The following ITPKB variants were observed in gnomAD, a reference collection of about 807,000 sequenced individuals.
ITPKB encodes the protein inositol-trisphosphate 3-kinase B.
Under a neutral mutation model 69.4 loss-of-function variants are expected in ITPKB, and 13 were observed. That is an observed-to-expected ratio of 0.19 (90% CI 0.12 to 0.30). The LOEUF is 0.30. ITPKB is among the 10% of genes least tolerant of loss of function. The pLI, the probability that ITPKB is intolerant of heterozygous loss-of-function variation, is 1.00. For missense variants in ITPKB, 1,240 were observed against 1,250.5 expected (o/e 0.99, Z 0.13); for synonymous variants, 584 against 513.7 (o/e 1.14, Z -1.85).
At chr1:226,698,568 G>A (rs369209535) in intron 2 of ITPKB, among the ~76,000 whole-genome samples, 2 of 152,364 alleles carry the variant, frequency 1.3e-5, no homozygotes, top group Non-Finnish European at 2.9e-5. Flanking sequence ...TGAATGAGGC[G>A]TTGCTAAGTC....
At chr1:226,652,565 T>C (rs1669215150) in intron 2 of ITPKB, among the ~76,000 whole-genome samples, 1 of 152,216 alleles carries the variant, frequency 6.6e-6, no homozygotes, top group South Asian at 2.1e-4. Flanking sequence ...CTGTCTCTTC[T>C]CTGTCTGAAA....
At chr1:226,674,194 G>A (rs2102768768) in intron 2 of ITPKB, among the ~76,000 whole-genome samples, 1 of 152,246 alleles carries the variant, frequency 6.6e-6, no homozygotes, top group South Asian at 2.1e-4. Context: ...TATTTTTTAA[G>A]TATTTATATA....
chr1:226,733,855 C>T (rs947334067), intron 2 of ITPKB, among the ~76,000 whole-genome samples: 2 of 152,218 alleles, frequency 1.3e-5, no homozygotes, highest in African/African-American at 4.8e-5. Context: ...CTCTTCTAGA[C>T]AAGAGCCGTT....
Position 226,715,329 on chromosome 1 carries a change from T to C in ITPKB, c.1932+20198A>G, listed in dbSNP as rs545663896. Among the ~76,000 whole-genome samples, 11 of 152,338 alleles carry C rather than the reference T, an allele frequency of 7.2e-5. No individual in the cohort carries two copies. The South Asian group carries it at 2.3e-3, about 32-fold the overall frequency. On this transcript the variant is annotated intron_variant, in intron 2 of 7. Transcript: ENST00000429204. ...CAGGTAGTAGATAAAACCCTCTACC[T>C]TGCACCAAAAAGACAAGGCCTGTGC...
At chr1:226,672,047 G>A (rs1024775930) in intron 2 of ITPKB, among the ~76,000 whole-genome samples, 7 of 152,150 alleles carry the variant, frequency 4.6e-5, no homozygotes, top group African/African-American at 1.4e-4. Context: ...GAAAGCAGGC[G>A]AGAAAGGGTG....
chr1:226,717,764 G>C (rs1182289744), intron 2 of ITPKB, among the ~76,000 whole-genome samples: 1 of 152,220 alleles, frequency 6.6e-6, no homozygotes, highest in East Asian at 1.9e-4. Flanking sequence ...GCCCGCCAAG[G>C]GGCATGACTC....
At chr1:226,683,912 A>G (rs1656142172) in intron 2 of ITPKB, among the ~76,000 whole-genome samples, 1 of 152,160 alleles carries the variant, frequency 6.6e-6, no homozygotes, top group Non-Finnish European at 1.5e-5. Flanking sequence ...CCTTCATTAC[A>G]AAGAGATTTT....
rs1037344539 is a variant in ITPKB, at chr1:226,704,957, C to T, written c.1932+30570G>A. 5.2e-4 allele frequency among the ~76,000 whole-genome samples: 79 copies of T among 152,308 alleles called. 1 individual carries two copies. The highest frequency in any genetic ancestry group is 5.2e-3 in the Admixed American group (79 of 15,294). ...ACTTTTTAAAAGAATCACAGCATTG[C>T]TCTTGCTTGGCCAAATGTATTAAAT... On this transcript the variant is annotated intron_variant, in intron 2 of 7. Transcript: ENST00000429204.
intron 2 of ITPKB, among the ~76,000 whole-genome samples, chr1:226,715,582 C>CA (rs1657075700): frequency 6.6e-6 from 1 of 152,192 alleles, no homozygotes; most frequent in African/African-American, 2.4e-5. Context: ...AACTACTCAC[C>CA]AATGGCCATA....
chr1:226,636,633 C>T (rs1252013464), intron 7 of ITPKB, among the ~76,000 whole-genome samples: 1 of 152,222 alleles, frequency 6.6e-6, no homozygotes, highest in Non-Finnish European at 1.5e-5. Context: ...AGGACCTCCA[C>T]AAGAGAGTCC....
rs545617028 is a variant in ITPKB, at chr1:226,722,505, G to A, written c.1932+13022C>T. ...GATTTTTAATGTACAGTGTAATACC[G>A]CAAGGTAAACAGCATCCCAGACGCT... is the stretch of plus-strand genomic sequence containing the variant. On this transcript the variant is annotated intron_variant, in intron 2 of 7. Coordinates refer to ENST00000429204, the MANE Select transcript of ITPKB (RefSeq NM_002221.4). Among the ~76,000 whole-genome samples the A allele has an allele frequency of 4.6e-5, 7 of 152,308 alleles. No individual in the cohort carries two copies. The East Asian group carries it at 5.8e-4, about 13-fold the overall frequency.
At chr1:226,640,001 G>A (rs1357937871) in intron 5 of ITPKB, among the ~76,000 whole-genome samples, 4 of 152,146 alleles carry the variant, frequency 2.6e-5, no homozygotes, top group East Asian at 1.9e-4. Flanking sequence ...AGGGCCAAGA[G>A]AGAGGGTCGG....
chr1:226,635,972 G>A (rs559646472), intron 7 of ITPKB, among the ~76,000 whole-genome samples: 53 of 152,348 alleles, frequency 3.5e-4, no homozygotes, highest in African/African-American at 1.1e-3. Context: ...GGCCCCTGGC[G>A]AGGCTGAGCC....
intron 2 of ITPKB, chr1:226,707,201 T>G: frequency 1.8e-6 from 1 of 562,512 alleles, no homozygotes; most frequent in Non-Finnish European, 2.3e-6. Flanking sequence ...TTTTTATTTA[T>G]TTATTTATTT....
intron 2 of ITPKB, among the ~76,000 whole-genome samples, chr1:226,689,507 T>G (rs1482349291): frequency 6.6e-6 from 1 of 152,028 alleles, no homozygotes; most frequent in African/African-American, 2.4e-5. Context: ...ATGCTCACTA[T>G]CCGGGTGGAG....
chr1:226,634,929 C>T lies in ITPKB; in HGVS notation c.2626-43G>A, dbSNP rs1207732562. The T allele has an allele frequency of 6.6e-7, 1 of 1,519,032 alleles. No individual in the cohort carries two copies. Among genetic ancestry groups the T allele is most frequent in the Non-Finnish European group, 9.0e-7 (1 of 1,108,402 alleles). The allele number at this position is 1,519,032 out of a possible 1,614,324, so 94.1% of individuals were successfully genotyped here. ...GTGAAGGGTGAGCTGAAGCCCGGGC[C>T]TCGCCCTCCCCACTGCGGCCCGGGG... On this transcript the variant is annotated intron_variant, in intron 7 of 7. Coordinates refer to ENST00000429204, the MANE Select transcript of ITPKB (RefSeq NM_002221.4). This position sits in a 1 kb window ranked among gnomAD's most constrained non-coding sequence, Gnocchi z 6.3.
intron 2 of ITPKB, among the ~76,000 whole-genome samples, chr1:226,661,951 G>A (rs1669410567): frequency 6.6e-6 from 1 of 152,202 alleles, no homozygotes; most frequent in South Asian, 2.1e-4. Flanking sequence ...CCAGGAGGAA[G>A]TGGATCCCCA....
chr1:226,707,605 C>T (rs754750398), intron 2 of ITPKB: 13 of 987,688 alleles, frequency 1.3e-5, no homozygotes, highest in Non-Finnish European at 1.6e-5. Context: ...GCAGTGGGGG[C>T]TCAATGGGGA....
intron 2 of ITPKB, among the ~76,000 whole-genome samples, chr1:226,725,901 T>C (rs1221440408): frequency 4.6e-5 from 7 of 152,236 alleles, no homozygotes; most frequent in African/African-American, 1.7e-4. Flanking sequence ...GGCTCTGCTG[T>C]GGACGCAGAG....
Sources: allele counts gnomAD v4.1 joint callset (sites outside exome capture counted in the v4.1 genomes callset), GRCh38; gene constraint gnomAD v4.1.1; non-coding constraint Gnocchi (gnomAD v3.1); transcripts MANE v1.5; gene names NCBI Gene and HGNC (gene_info 2026-07-23, HGNC 2026-07-21).